The following PCID2 variants were observed in gnomAD, a reference collection of about 807,000 sequenced individuals.
PCID2 encodes PCI domain-containing protein 2.
PCID2 carries 41 observed loss-of-function variants against 61.3 expected under a neutral mutation model. That is an observed-to-expected ratio of 0.67 (90% CI 0.52 to 0.87). The LOEUF is 0.87. PCID2 is among the 40% of genes least tolerant of loss of function. The pLI is 0.00. For synonymous variants in PCID2, 187 were observed against 177.8 expected (o/e 1.05, Z -0.41); for missense variants, 392 against 493.4 (o/e 0.79, Z 1.95).
intron 1 of PCID2, chr13:113,208,194 T>C: frequency 6.4e-7 from 1 of 1,561,458 alleles, no homozygotes; most frequent in Non-Finnish European, 8.7e-7. Flanking sequence ...AGTCCCCGAA[T>C]TCATCCCGCA....
chr13:113,195,640 C>G (rs1350279091), intron 5 of PCID2, among the ~76,000 whole-genome samples: 1 of 151,318 alleles, frequency 6.6e-6, no homozygotes, highest in Non-Finnish European at 1.5e-5. Flanking sequence ...GCACTCCAGC[C>G]TCGGCGACTG....
chr13:113,195,267 C>T (rs2038929489), intron 5 of PCID2, 142 bp from the exon 6 acceptor site: 1 of 664,768 alleles, frequency 1.5e-6, no homozygotes, highest in East Asian at 2.6e-5. Flanking sequence ...TTGTCTGCTT[C>T]CTCACCTTCT....
intron 9 of PCID2, among the ~76,000 whole-genome samples, chr13:113,182,561 G>A (rs903585114): frequency 3.3e-5 from 5 of 152,114 alleles, no homozygotes; most frequent in Admixed American, 2.6e-4. Context: ...GTGCAGTGGC[G>A]CGATCTCAGC....
Position 113,187,933 on chromosome 13 carries a change from G to C in PCID2, c.468-2373C>G, listed in dbSNP as rs562943947. The C allele has an allele frequency of 3.9e-5, 6 of 152,324 alleles. No homozygotes were observed. In the East Asian group the frequency reaches 1.2e-3, roughly 29 times the overall value. The allele number at this position is 152,324 out of a possible 1,614,324, so 9.4% of individuals were successfully genotyped here. On this transcript the variant is annotated intron_variant, in intron 7 of 13. Transcript: ENST00000337344. ...ATCAAAGGTCGTGAAGATCACTGCTGTGCAAAAATATACGATCAAGCGAAA... is the reference window on the plus strand; with the variant it reads ...ATCAAAGGTCGTGAAGATCACTGCTCTGCAAAAATATACGATCAAGCGAAA...
intron 7 of PCID2, chr13:113,188,313 G>A (rs1318633854): frequency 6.6e-6 from 1 of 152,234 alleles, no homozygotes; most frequent in Non-Finnish European, 1.5e-5. Flanking sequence ...TCTGAAGCGA[G>A]GCTGGGTAGG....
rs145406466 is a variant in PCID2 at position 113,179,639 on chromosome 13, G to A, written c.986+278C>T. On this transcript the variant is annotated intron_variant, in intron 12 of 13. Coordinates refer to ENST00000337344, the MANE Select transcript of PCID2 (RefSeq NM_001127202.4). The surrounding 1 kb of genome is among the most constrained non-coding windows in gnomAD (Gnocchi z 4.3). ...GTCCTGTGTGCTCTGATGAAATGTGGTACCGCGGCTCTCAGGGCTGATGTT... is the reference window on the plus strand; with the variant it reads ...GTCCTGTGTGCTCTGATGAAATGTGATACCGCGGCTCTCAGGGCTGATGTT... Among the ~76,000 whole-genome samples, 1 of 152,288 alleles carries A rather than the reference G, an allele frequency of 6.6e-6. No homozygotes were observed. Among genetic ancestry groups the A allele is most frequent in the Non-Finnish European group, 1.5e-5 (1 of 68,022 alleles).
At chr13:113,180,365 A>G in intron 10 of PCID2, 134 bp from the exon 11 acceptor site, 2 of 671,232 alleles carry the variant, frequency 3.0e-6, no homozygotes, top group Non-Finnish European at 5.3e-6. Flanking sequence ...GATTAAACAC[A>G]TCATAGTACA....
At chr13:113,197,506 T>A (rs2039105373) in intron 3 of PCID2, among the ~76,000 whole-genome samples, 2 of 152,206 alleles carry the variant, frequency 1.3e-5, no homozygotes, top group Non-Finnish European at 2.9e-5. Context: ...GTATGACCCT[T>A]CCACTCTAGC....
intron 1 of PCID2, among the ~76,000 whole-genome samples, chr13:113,200,993 T>C (rs374680501): frequency 6.6e-5 from 10 of 152,318 alleles, no homozygotes; most frequent in African/African-American, 2.4e-4. Flanking sequence ...GTCAGTGGTT[T>C]ATCATGTAGC....
chr13:113,187,606 T>G (rs1302301518), intron 7 of PCID2: 3 of 152,232 alleles, frequency 2.0e-5, no homozygotes, highest in African/African-American at 7.2e-5. Flanking sequence ...ATTAATGACC[T>G]TGAGCATCTT....
the PCID2 span, among the ~76,000 whole-genome samples, chr13:113,169,823 G>T: frequency 1.3e-5 from 2 of 152,216 alleles, no homozygotes; most frequent in Admixed American, 1.3e-4. Flanking sequence ...TAGTCTCCAT[G>T]TACACGTGAT....
chr13:113,168,058 C>T, the PCID2 span, among the ~76,000 whole-genome samples: 1 of 152,338 alleles, frequency 6.6e-6, no homozygotes, highest in African/African-American at 2.4e-5. Context: ...AATCATGCCC[C>T]ATTCCTCCCC....
intron 6 of PCID2, among the ~76,000 whole-genome samples, chr13:113,191,386 C>T (rs915336284): frequency 3.3e-5 from 5 of 151,930 alleles, no homozygotes; most frequent in Non-Finnish European, 5.9e-5. Flanking sequence ...CTCAAAGTCC[C>T]GAAAGATCCT....
rs963776815 is a variant in PCID2, at chr13:113,181,201, G to A, written c.715C>T (p.His239Tyr). 6.2e-7 allele frequency: 1 copy of A among 1,613,496 alleles called. No homozygotes were observed. The highest frequency in any genetic ancestry group is 2.2e-5 in the East Asian group (1 of 44,892). ...AEEYLSFAFE[H>Y]CHRSSQKNKR... is the part of the protein sequence containing the mutation. Reference sequence around the variant, plus strand: ...TTCTTCTGACTAGAACGGTGACAATGCTCAAAGGCAAATGACAGGTACTCC... The same window carrying A: ...TTCTTCTGACTAGAACGGTGACAATACTCAAAGGCAAATGACAGGTACTCC... Residue 239 changes from histidine (H) to tyrosine (Y), a missense_variant, in exon 10 of 14, where the codon CAT becomes TAT. Around this residue, in one of 3 missense-constraint regions of PCID2, gnomAD observed 226 missense variants for 296.5 expected, o/e 0.76. Coordinates refer to ENST00000337344, the MANE Select transcript of PCID2 (RefSeq NM_001127202.4).
At chr13:113,196,913 C>A in intron 4 of PCID2, 2 of 862,022 alleles carry the variant, frequency 2.3e-6, no homozygotes, top group Non-Finnish European at 3.9e-6. Context: ...TTACTAAAGG[C>A]AACAAAGCAT....
intron 1 of PCID2, chr13:113,208,365 G>T (rs2040104549): frequency 7.0e-7 from 1 of 1,433,048 alleles, no homozygotes; most frequent in Admixed American, 2.8e-5. Flanking sequence ...CGACGACTCC[G>T]CGATCCACGG....
In PCID2 at chr13:113,178,207, C is replaced by G. The variant is rs141817286; in HGVS notation, c.1191G>C (p.Thr397=). The G allele has an allele frequency of 3.1e-6, 5 of 1,612,860 alleles. No individual in the cohort carries two copies. Among genetic ancestry groups the G allele is most frequent in the Non-Finnish European group, 3.4e-6 (4 of 1,178,988 alleles). Residue 397 remains threonine, a synonymous_variant, in exon 14 of 14, where the codon ACG becomes ACC. Coordinates refer to ENST00000337344, the MANE Select transcript of PCID2 (RefSeq NM_001127202.4). ...SKQNPFPPLS[T]VC ...GGGGCTCCGTGTACTTTCAACACAC[C>G]GTGGACAGGGGAGGAAATGGGTTCT...
chr13:113,171,920 T>C, the PCID2 span: 5 of 1,613,766 alleles, frequency 3.1e-6, no homozygotes, highest in Non-Finnish European at 4.2e-6. The surrounding 1 kb of genome is among the most constrained non-coding windows in gnomAD (Gnocchi z 5.1). Context: ...CACCAGGACC[T>C]ACTGTGAGAG....
At chr13:113,165,042 C>T in the PCID2 span, 6 of 1,613,172 alleles carry the variant, frequency 3.7e-6, no homozygotes, top group East Asian at 6.7e-5. Context: ...ATGTTGCTGC[C>T]GCAAATGCAG....
Sources: allele counts gnomAD v4.1 joint callset (sites outside exome capture counted in the v4.1 genomes callset), GRCh38; gene constraint gnomAD v4.1.1; regional missense constraint gnomAD v4.1.1; non-coding constraint Gnocchi (gnomAD v3.1); transcripts MANE v1.5; gene names NCBI Gene and HGNC (gene_info 2026-07-23, HGNC 2026-07-21).